PTPN3: variants seen among roughly 807,000 people sequenced by gnomAD.
PTPN3 encodes the protein tyrosine-protein phosphatase non-receptor type 3.
A neutral mutation model predicts 132.7 loss-of-function variants in PTPN3; 96 were observed. The observed-to-expected ratio is 0.72, with a 90% CI of 0.61 to 0.86. The LOEUF is 0.86. Ranked by LOEUF, PTPN3 falls within the 40% of genes least tolerant of loss-of-function variation. The pLI is 0.00. For missense variants in PTPN3, 1,125 were observed against 1,159.6 expected, an observed-to-expected ratio of 0.97 and a Z score of 0.43; for synonymous variants, 398 against 429.0, an observed-to-expected ratio of 0.93 and a Z score of 0.89.
At chr9:109,517,290 A>T in the PTPN3 span, among the ~76,000 whole-genome samples, 1 of 152,332 alleles carries the variant, frequency 6.6e-6, no homozygotes, top group South Asian at 2.1e-4. Context: ...ATACATGCTC[A>T]GTTACATTGG....
At chr9:109,434,097 G>T (rs112050103) in intron 9 of PTPN3, among the ~76,000 whole-genome samples, 5 of 152,096 alleles carry the variant, frequency 3.3e-5, no homozygotes, top group African/African-American at 1.2e-4. Flanking sequence ...TCCTCCTCTT[G>T]AGTCATTTAC....
At chr9:109,401,717 G>T (rs191744309) in intron 19 of PTPN3, among the ~76,000 whole-genome samples, 64 of 152,240 alleles carry the variant, frequency 4.2e-4, no homozygotes, top group African/African-American at 1.5e-3. Context: ...CATTGCCCAG[G>T]ATCTGCACTG....
chr9:109,449,112 G>C, intron 5 of PTPN3: 2 of 1,294,654 alleles, frequency 1.5e-6, no homozygotes, highest in Admixed American at 3.9e-5. Flanking sequence ...ATGAAGAGCT[G>C]AGCAGGGATG....
intron 12 of PTPN3, among the ~76,000 whole-genome samples, chr9:109,425,487 G>C (rs1843184767): frequency 6.6e-6 from 1 of 152,156 alleles, no homozygotes; most frequent in South Asian, 2.1e-4. Context: ...GAGGCAGGCA[G>C]ATCACCTGAG....
chr9:109,486,455 G>C (rs961736925), intron 1 of PTPN3, among the ~76,000 whole-genome samples: 27 of 152,296 alleles, frequency 1.8e-4, no homozygotes, highest in African/African-American at 5.8e-4. Context: ...TGGAAAAGGG[G>C]AGTGGGCTGG....
At chr9:109,408,790 A>ATATATATATATATATATATATAT (rs1293697190) in intron 16 of PTPN3, among the ~76,000 whole-genome samples, 1 of 59,212 alleles carries the variant, frequency 1.7e-5, no homozygotes, top group African/African-American at 6.8e-5. Context: ...TTAAAAAAAA[A>ATATATATATATATATATATATAT]AAAAAAATAT....
intron 10 of PTPN3, 116 bp from the exon 11 acceptor site, chr9:109,428,800 C>A: frequency 6.9e-7 from 1 of 1,456,640 alleles, no homozygotes; most frequent in Non-Finnish European, 9.0e-7. Flanking sequence ...GGGCTCTTGG[C>A]TGCCTAGAGT....
In PTPN3 at chr9:109,426,992, A is replaced by C; in HGVS notation, c.959T>G (p.Val320Gly). ...GCCCATAGTCCAGTACTGAGACAGA[A>C]CATTCTTTTCCTGAGGTAGTAGCTT... The part of the protein sequence containing the change: ...AKKLLPQEKN[V>G]LSQYWTMGSR... The change falls in exon 12 of 26, where the codon GTT (valine) becomes GGT (glycine). Residue 320 changes from valine to glycine, a missense_variant. By Grantham distance (109) the Val-to-Gly change is moderately radical. Coordinates refer to ENST00000374541, the MANE Select transcript of PTPN3 (RefSeq NM_002829.4). The C allele has an allele frequency of 6.2e-7, 1 of 1,613,926 alleles. No homozygotes were observed. Among genetic ancestry groups the C allele is most frequent in the Non-Finnish European group, 8.5e-7 (1 of 1,179,780 alleles).
intron 1 of PTPN3, among the ~76,000 whole-genome samples, chr9:109,484,737 G>C (rs1425181897): frequency 6.6e-6 from 1 of 152,118 alleles, no homozygotes; most frequent in African/African-American, 2.4e-5. Flanking sequence ...ACATCTACCT[G>C]GGACTTGCTT....
intron 5 of PTPN3, among the ~76,000 whole-genome samples, chr9:109,454,124 A>G (rs1238660659): frequency 2.0e-5 from 3 of 151,364 alleles, no homozygotes; most frequent in Non-Finnish European, 4.4e-5. Context: ...GTGGATGACT[A>G]TTTTACAAAT....
chr9:109,522,628 C>A, the PTPN3 span, among the ~76,000 whole-genome samples: 1 of 152,160 alleles, frequency 6.6e-6, no homozygotes, highest in African/African-American at 2.4e-5. Flanking sequence ...TAAACTGCAG[C>A]CTGTTTGGAA....
the PTPN3 span, among the ~76,000 whole-genome samples, chr9:109,518,514 T>A: frequency 6.6e-6 from 1 of 152,128 alleles, no homozygotes; most frequent in South Asian, 2.1e-4. Flanking sequence ...CTCTAGGTGA[T>A]CTGTGTGGTC....
intron 19 of PTPN3, among the ~76,000 whole-genome samples, chr9:109,398,800 A>G (rs1588324488): frequency 6.6e-6 from 1 of 152,220 alleles, no homozygotes; most frequent in Non-Finnish European, 1.5e-5. Context: ...TTTATCCAGG[A>G]AAGTCTATAC....
intron 16 of PTPN3, among the ~76,000 whole-genome samples, chr9:109,408,781 TAA>T (rs768982568): frequency 0.057 from 3,549 of 62,054 alleles, 157 homozygotes; most frequent in East Asian, 0.22. Flanking sequence ...TTATAATAAT[TAA>T]AAAAAAAAAA....
intron 2 of PTPN3, among the ~76,000 whole-genome samples, chr9:109,461,589 C>T (rs1845845810): frequency 6.6e-6 from 1 of 151,892 alleles, no homozygotes; most frequent in Non-Finnish European, 1.5e-5. Flanking sequence ...GACCTCGTTT[C>T]TACAAAAAAA....
chr9:109,450,081 A>G (rs1845149454), intron 5 of PTPN3: 2 of 984,616 alleles, frequency 2.0e-6, no homozygotes, highest in South Asian at 4.7e-5. Flanking sequence ...CATGTTATAA[A>G]AAAACTCACT....
intron 1 of PTPN3, among the ~76,000 whole-genome samples, chr9:109,467,490 G>C (rs911061641): frequency 2.0e-5 from 3 of 152,072 alleles, no homozygotes; most frequent in Non-Finnish European, 1.5e-5. Context: ...GGAACCTCAG[G>C]GTGTGTTTTG....
intron 25 of PTPN3, among the ~76,000 whole-genome samples, chr9:109,380,644 G>A (rs925965850): frequency 6.6e-6 from 1 of 152,146 alleles, no homozygotes; most frequent in Non-Finnish European, 1.5e-5. Flanking sequence ...GGCAGAGAAT[G>A]GCCCTAATAA....
chr9:109,510,573 AAAAATATAT>A, the PTPN3 span, among the ~76,000 whole-genome samples: 3 of 50,862 alleles, frequency 5.9e-5, no homozygotes, highest in Non-Finnish European at 1.3e-4. Context: ...AAAAAAAAAA[AAAAATATAT>A]ATATATATAT....
Sources: allele counts gnomAD v4.1 joint callset (sites outside exome capture counted in the v4.1 genomes callset), GRCh38; gene constraint gnomAD v4.1.1; transcripts MANE v1.5; gene names NCBI Gene and HGNC (gene_info 2026-07-23, HGNC 2026-07-21).